MAP2K5: variants seen among roughly 807,000 people sequenced by gnomAD.
MAP2K5 encodes dual specificity mitogen-activated protein kinase kinase 5.
Under a neutral mutation model 83.1 loss-of-function variants are expected in MAP2K5, and 49 were observed. The ratio of observed to expected loss-of-function variants is 0.59; its 90% CI spans 0.47 to 0.75. MAP2K5 has a LOEUF of 0.75. Among genes scored for constraint, MAP2K5 ranks in the 30% least tolerant of loss-of-function variants. MAP2K5 has a pLI of 0.00. For synonymous variants in MAP2K5, 202 were observed against 191.8 expected, an observed-to-expected ratio of 1.05 and a Z score of -0.44; for missense variants, 457 against 557.5, an observed-to-expected ratio of 0.82 and a Z score of 1.82.
chr15:67,600,971 AGTT>A (rs1255171316), intron 8 of MAP2K5, among the ~76,000 whole-genome samples: 1 of 152,170 alleles, frequency 6.6e-6, no homozygotes, highest in African/African-American at 2.4e-5. Flanking sequence ...CTGGGTGTGT[AGTT>A]AATAGTCCAC....
At position 67,550,040 on chromosome 15, in the gene MAP2K5, A is replaced by G. The variant is rs768079332; in HGVS notation, c.142A>G (p.Ile48Val). ...TTATTCTTTCTTTGTTTAGGATGTG[A>G]TAGGCCAGGTTCTGCCTGAAGCAAC... ...QLLFRDVLDV[I>V]GQVLPEATTT... The change falls in exon 2 of 22, where the codon ATA (isoleucine) becomes GTA (valine). Residue 48 changes from isoleucine to valine, a missense_variant. Ile to Val is a conservative substitution (Grantham distance 29). This residue lies in a region of MAP2K5 where 234 missense variants were observed against 243.6 expected (regional missense o/e 0.96). Transcript: ENST00000178640. 6.2e-7 allele frequency: 1 copy of G among 1,613,292 alleles called. No homozygotes were observed. The highest frequency in any genetic ancestry group is 8.5e-7 in the Non-Finnish European group (1 of 1,179,322).
rs1336170049 is a variant in MAP2K5 at position 67,755,871 on chromosome 15, C to G, written c.1134+7270C>G. Among the ~76,000 whole-genome samples the G allele has an allele frequency of 6.6e-6, 1 of 152,092 alleles. No homozygotes were observed. The highest frequency in any genetic ancestry group is 6.5e-5 in the Admixed American group (1 of 15,270). ...CATCTTAAGCAAATCCACTTTAGTC[C>G]TTCTTATCATCAGGGACCCCAGGCC... On this transcript the variant is annotated intron_variant, in intron 19 of 21. Transcript: ENST00000178640. The surrounding 1 kb of genome is among the most constrained non-coding windows in gnomAD (Gnocchi z 4.7).
At chr15:67,667,556 A>T (rs1466609990) in intron 13 of MAP2K5, among the ~76,000 whole-genome samples, 1 of 152,042 alleles carries the variant, frequency 6.6e-6, no homozygotes, top group Non-Finnish European at 1.5e-5. Context: ...GAGAAATACT[A>T]ATGAGTGATC....
chr15:67,712,226 T>C (rs970036493), intron 16 of MAP2K5, among the ~76,000 whole-genome samples: 1 of 152,208 alleles, frequency 6.6e-6, no homozygotes, highest in Non-Finnish European at 1.5e-5. Flanking sequence ...AGGCAGGAGA[T>C]AGCAGAGACT....
At position 67,783,703 on chromosome 15, in the gene MAP2K5, T is replaced by A. The variant is rs2090367857; in HGVS notation, c.1242+10951T>A. 1.3e-5 allele frequency among the ~76,000 whole-genome samples: 2 copies of A among 152,216 alleles called. No individual in the cohort carries two copies. Among genetic ancestry groups the A allele is most frequent in the South Asian group, 4.1e-4 (2 of 4,836 alleles). On this transcript the variant is annotated intron_variant, in intron 21 of 21. Transcript: ENST00000178640. This position sits in a 1 kb window ranked among gnomAD's most constrained non-coding sequence, Gnocchi z 5.1. ...AGCCCAGTCTCCAGCCTGAGTAGAA[T>A]GCTCAAATATATGGTCATTGAATTT...
chr15:67,624,589 TTGTGTGTGTGTG>T (rs71142388), intron 8 of MAP2K5, among the ~76,000 whole-genome samples: 52,039 of 141,640 alleles, frequency 0.37, 9,584 homozygotes, highest in Non-Finnish European at 0.43. Flanking sequence ...CACGATCTCT[TTGTGTGTGTGTG>T]TGTGTGTGTG....
chr15:67,600,077 T>C (rs2085622285), intron 7 of MAP2K5, among the ~76,000 whole-genome samples: 2 of 152,328 alleles, frequency 1.3e-5, no homozygotes, highest in South Asian at 4.1e-4. Context: ...TATTCGACTA[T>C]ATGTGCATCT....
chr15:67,570,612 G>A (rs962698421), intron 3 of MAP2K5, among the ~76,000 whole-genome samples: 3 of 152,212 alleles, frequency 2.0e-5, no homozygotes, highest in Non-Finnish European at 4.4e-5. Flanking sequence ...TAAAGGAAAA[G>A]CCTCTTAATG....
At chr15:67,704,559 C>T (rs2088504489) in intron 16 of MAP2K5, among the ~76,000 whole-genome samples, 1 of 152,130 alleles carries the variant, frequency 6.6e-6, no homozygotes, top group South Asian at 2.1e-4. Context: ...CTCAATTCAC[C>T]TGCACAGTAG....
At chr15:67,689,375 AT>A (rs1269277945) in intron 13 of MAP2K5, among the ~76,000 whole-genome samples, 3 of 152,202 alleles carry the variant, frequency 2.0e-5, no homozygotes, top group Non-Finnish European at 4.4e-5. Context: ...ATGGCCTGAG[AT>A]TAAGGATGGG....
chr15:67,615,623 A>G (rs1051074304), intron 8 of MAP2K5, among the ~76,000 whole-genome samples: 2 of 152,176 alleles, frequency 1.3e-5, no homozygotes, highest in Non-Finnish European at 2.9e-5. Flanking sequence ...AATAAAATCT[A>G]CCTTCAAATA....
intron 9 of MAP2K5, among the ~76,000 whole-genome samples, chr15:67,639,573 C>G (rs908389039): frequency 1.3e-5 from 2 of 152,156 alleles, no homozygotes; most frequent in African/African-American, 4.8e-5. Context: ...GCTCACTGCT[C>G]TCAGATTTGG....
rs576751863 is a variant in MAP2K5, at chr15:67,637,643, G to A, written c.585+6716G>A. ...AGCTGAAGACTCCAGGACCCCCTCG[G>A]CAGACCTCTGGAGCTCTCTCCCTCA... is the stretch of plus-strand genomic sequence containing the variant. On this transcript the variant is annotated intron_variant, in intron 9 of 21. Transcript: ENST00000178640. This position sits in a 1 kb window ranked among gnomAD's most constrained non-coding sequence, Gnocchi z 4.5. Among the ~76,000 whole-genome samples the A allele has an allele frequency of 2.0e-5, 3 of 152,058 alleles. No homozygotes were observed. The highest frequency in any genetic ancestry group is 2.9e-5 in the Non-Finnish European group (2 of 68,016).
chr15:67,805,215 G>A (rs1300863840), intron 21 of MAP2K5, among the ~76,000 whole-genome samples: 4 of 152,226 alleles, frequency 2.6e-5, no homozygotes, highest in Admixed American at 2.0e-4. Context: ...CTCTGAGATA[G>A]ACCCACGCAG....
rs2141102634 is a variant in MAP2K5, at chr15:67,637,654, G to C, written c.585+6727G>C. ...CCAGGACCCCCTCGGCAGACCTCTG[G>C]AGCTCTCTCCCTCAGGTCCTCTGCC... is the stretch of plus-strand genomic sequence containing the variant. On this transcript the variant is annotated intron_variant, in intron 9 of 21. Coordinates refer to ENST00000178640, the MANE Select transcript of MAP2K5 (RefSeq NM_145160.3). The surrounding 1 kb of genome is among the most constrained non-coding windows in gnomAD (Gnocchi z 4.5). Among the ~76,000 whole-genome samples, 1 of 152,200 alleles carries C rather than the reference G, an allele frequency of 6.6e-6. No homozygotes were observed. Among genetic ancestry groups the C allele is most frequent in the Non-Finnish European group, 1.5e-5 (1 of 68,010 alleles).
In MAP2K5 at chr15:67,555,458, A is replaced by G. The variant is rs534291064; in HGVS notation, c.184+5376A>G. 5.9e-5 allele frequency among the ~76,000 whole-genome samples: 9 copies of G among 152,350 alleles called. No individual in the cohort carries two copies. The highest frequency in any genetic ancestry group is 3.9e-4 in the East Asian group (2 of 5,188). On this transcript the variant is annotated intron_variant, in intron 2 of 21. Coordinates refer to ENST00000178640, the MANE Select transcript of MAP2K5 (RefSeq NM_145160.3). The surrounding 1 kb of genome is among the most constrained non-coding windows in gnomAD (Gnocchi z 5.2). ...ATTGGGGATCACTTTGGAGGGGACA[A>G]ATATTCAAACCATATCATTGTGGAA...
In MAP2K5 at chr15:67,748,091, G is replaced by T. The variant is rs997095460; in HGVS notation, c.1075-140G>T. 3 of 610,326 alleles carry T rather than the reference G, an allele frequency of 4.9e-6. No homozygotes were observed. The highest frequency in any genetic ancestry group is 6.0e-6 in the Non-Finnish European group (2 of 333,638). 37.8% of individuals were successfully genotyped at this position (610,326 alleles called of 1,614,324 possible). On this transcript the variant is annotated intron_variant, in intron 17 of 21. Transcript: ENST00000178640. The surrounding 1 kb of genome is among the most constrained non-coding windows in gnomAD (Gnocchi z 4.0). Reference sequence around the variant, plus strand: ...TGAGAAGCGAGCTATTAACATTTGTGTATTTTCATTATGTAAATTGTGTTA... The same window carrying T: ...TGAGAAGCGAGCTATTAACATTTGTTTATTTTCATTATGTAAATTGTGTTA...
intron 13 of MAP2K5, 138 bp downstream of exon 13, chr15:67,664,783 A>T: frequency 2.0e-6 from 1 of 503,590 alleles, no homozygotes. Flanking sequence ...CTGCTCTATA[A>T]ATGTTATTTT....
chr15:67,692,467 G>C lies in MAP2K5; in HGVS notation c.848-12G>C. 1 of 1,609,658 alleles carries C rather than the reference G, an allele frequency of 6.2e-7. No homozygotes were observed. Among genetic ancestry groups the C allele is most frequent in the Non-Finnish European group, 8.5e-7 (1 of 1,176,186 alleles). ...GGAATTAGTTACATGGCCTTTTCTG[G>C]TCCCTTTTTAGACGTGAAGCCCTCC... On this transcript the variant is annotated splice_polypyrimidine_tract_variant and intron_variant, in intron 13 of 21. Coordinates refer to ENST00000178640, the MANE Select transcript of MAP2K5 (RefSeq NM_145160.3).
Sources: gnomAD v4.1 joint callset for allele counts (sites outside exome capture counted in the v4.1 genomes callset) on GRCh38, gnomAD v4.1.1 for gene constraint, gnomAD v4.1.1 regional missense constraint, Gnocchi (gnomAD v3.1) non-coding constraint, MANE v1.5 for transcripts, NCBI Gene and HGNC (gene_info 2026-07-23, HGNC 2026-07-21) for gene names.